The following LRRIQ1 variants were observed in gnomAD, a reference collection of about 807,000 sequenced individuals.
The protein encoded by LRRIQ1 is leucine-rich repeat- and IQ domain-containing protein 1.
In LRRIQ1, 210 loss-of-function variants were observed where a neutral mutation model predicts 211.9. The ratio of observed to expected loss-of-function variants is 0.99; its 90% CI spans 0.89 to 1.11. The LOEUF is 1.11. Ranked by LOEUF, LRRIQ1 falls within the 50% of genes most tolerant of loss-of-function variation. The pLI, the probability that LRRIQ1 is intolerant of heterozygous loss-of-function variation, is 0.00. For missense variants in LRRIQ1, 2,136 were observed against 1,939.5 expected (o/e 1.10, Z -1.90); for synonymous variants, 699 against 650.1 (o/e 1.08, Z -1.14).
intron 19 of LRRIQ1, among the ~76,000 whole-genome samples, chr12:85,148,204 A>T (rs1178881534): frequency 6.6e-6 from 1 of 151,388 alleles, no homozygotes; most frequent in Non-Finnish European, 1.5e-5. Context: ...TAGTTCTGGG[A>T]TACAAGTGCA....
At chr12:85,133,076 TGTC>T (rs1243589851) in intron 18 of LRRIQ1, among the ~76,000 whole-genome samples, 1 of 152,092 alleles carries the variant, frequency 6.6e-6, no homozygotes, top group East Asian at 1.9e-4. Flanking sequence ...TGAATAAAGT[TGTC>T]AGAAATAAAG....
chr12:85,253,764 A>G (rs1008418955), intron 1 of LRRIQ1, among the ~76,000 whole-genome samples: 2 of 152,016 alleles, frequency 1.3e-5, no homozygotes, highest in Non-Finnish European at 2.9e-5. Flanking sequence ...ACCATGTATG[A>G]CTACAAGTAT....
chr12:85,228,047 T>C (rs1026949857), intron 24 of LRRIQ1, among the ~76,000 whole-genome samples: 1 of 152,154 alleles, frequency 6.6e-6, no homozygotes, highest in African/African-American at 2.4e-5. Context: ...ACTTAAATAT[T>C]AGACCTAAAA....
intron 26 of LRRIQ1, among the ~76,000 whole-genome samples, chr12:85,240,168 C>T (rs551661393): frequency 6.6e-6 from 1 of 152,134 alleles, no homozygotes; most frequent in East Asian, 1.9e-4. Context: ...AAAGTCAAAC[C>T]ACATTATCGG....
At chr12:85,236,302 A>G (rs1895168372) in intron 26 of LRRIQ1, among the ~76,000 whole-genome samples, 1 of 152,204 alleles carries the variant, frequency 6.6e-6, no homozygotes, top group African/African-American at 2.4e-5. Context: ...TAAGGATTTT[A>G]TAGAAAAGGT....
chr12:85,046,702 CAT>C (rs1879628618), intron 5 of LRRIQ1, among the ~76,000 whole-genome samples: 3 of 152,172 alleles, frequency 2.0e-5, no homozygotes, highest in African/African-American at 7.2e-5. Flanking sequence ...CACATCCACA[CAT>C]ATGTTTATTG....
intron 24 of LRRIQ1, among the ~76,000 whole-genome samples, chr12:85,179,655 C>T (rs766280657): frequency 6.6e-6 from 1 of 151,956 alleles, no homozygotes; most frequent in Non-Finnish European, 1.5e-5. Flanking sequence ...AAACTGTGTT[C>T]TTTCTAAAAT....
chr12:85,157,481 A>G (rs567491950), intron 23 of LRRIQ1, among the ~76,000 whole-genome samples: 53 of 151,824 alleles, frequency 3.5e-4, no homozygotes, highest in African/African-American at 1.2e-3. Flanking sequence ...TCTGGGTTTT[A>G]TTTGTTTGTT....
At chr12:85,116,897 T>TA (rs1315521551) in intron 15 of LRRIQ1, among the ~76,000 whole-genome samples, 1 of 147,768 alleles carries the variant, frequency 6.8e-6, no homozygotes, top group Non-Finnish European at 1.5e-5. Context: ...TTTTTTTTTT[T>TA]ATGGCTGCAT....
At chr12:85,109,816 C>A (rs1887042986) in intron 15 of LRRIQ1, among the ~76,000 whole-genome samples, 1 of 152,072 alleles carries the variant, frequency 6.6e-6, no homozygotes, top group African/African-American at 2.4e-5. Context: ...ACTGTGTGAT[C>A]CTGGACAAGT....
At chr12:85,191,457 A>G (rs1238604854) in intron 24 of LRRIQ1, among the ~76,000 whole-genome samples, 1 of 151,916 alleles carries the variant, frequency 6.6e-6, no homozygotes, top group African/African-American at 2.4e-5. Flanking sequence ...ACTTAGTAAC[A>G]TGCTTTTAAG....
At chr12:85,178,801 A>G (rs1483965066) in intron 24 of LRRIQ1, among the ~76,000 whole-genome samples, 1 of 151,788 alleles carries the variant, frequency 6.6e-6, no homozygotes, top group African/African-American at 2.4e-5. Context: ...CAAAACACAT[A>G]TTTACTTACT....
chr12:85,261,902 TGCCTCA>T (rs1394174035), intron 1 of LRRIQ1, among the ~76,000 whole-genome samples: 4 of 152,024 alleles, frequency 2.6e-5, no homozygotes, highest in African/African-American at 7.2e-5. Flanking sequence ...GCGATTACCC[TGCCTCA>T]GCCTTCCGAG....
intron 6 of LRRIQ1, among the ~76,000 whole-genome samples, chr12:85,051,898 C>T (rs972365327): frequency 9.2e-5 from 14 of 152,058 alleles, no homozygotes; most frequent in East Asian, 7.7e-4. Flanking sequence ...AACAGTGTTT[C>T]GAGCCAATAC....
chr12:85,198,049 TATA>T (rs1893068398), intron 24 of LRRIQ1, among the ~76,000 whole-genome samples: 2 of 38,706 alleles, frequency 5.2e-5, no homozygotes, highest in African/African-American at 2.6e-4. Context: ...TAATATATTA[TATA>T]ATTATATATA....
At chr12:85,140,313 A>G (rs1373300791) in intron 19 of LRRIQ1, among the ~76,000 whole-genome samples, 1 of 151,298 alleles carries the variant, frequency 6.6e-6, no homozygotes, top group African/African-American at 2.4e-5. Context: ...ATAATAAAAT[A>G]TTCAAAGCGT....
downstream of LRRIQ1, among the ~76,000 whole-genome samples, chr12:85,250,083 A>G (rs914430713): frequency 1.3e-5 from 2 of 151,742 alleles, no homozygotes; most frequent in African/African-American, 2.4e-5. Flanking sequence ...ATTCCCTGGC[A>G]TATTGTCTAT....
intron 1 of LRRIQ1, among the ~76,000 whole-genome samples, chr12:85,261,807 GA>G (rs1896301927): frequency 1.2e-5 from 1 of 83,032 alleles, no homozygotes; most frequent in African/African-American, 6.3e-5. Context: ...ATTTATTTTT[GA>G]GACGGAGTTT....
At chr12:85,041,814 C>G (rs1878926554) in intron 3 of LRRIQ1, among the ~76,000 whole-genome samples, 1 of 151,438 alleles carries the variant, frequency 6.6e-6, no homozygotes, top group African/African-American at 2.4e-5. Flanking sequence ...AAGACTATTG[C>G]AATAATATGA....
Sources: gnomAD v4.1 joint callset for allele counts (sites outside exome capture counted in the v4.1 genomes callset) on GRCh38, gnomAD v4.1.1 for gene constraint, MANE v1.5 for transcripts, NCBI Gene and HGNC (gene_info 2026-07-23, HGNC 2026-07-21) for gene names.